MED13: variants seen among roughly 807,000 people sequenced by gnomAD.
MED13 encodes mediator complex subunit 13, also known as mediator of RNA polymerase II transcription subunit 13.
Under a neutral mutation model 225.2 loss-of-function variants are expected in MED13, and 23 were observed. That is an observed-to-expected ratio of 0.10 (90% CI 0.07 to 0.14). The LOEUF (loss-of-function observed/expected upper bound fraction) is 0.14. MED13 is among the 10% of genes least tolerant of loss of function. MED13 has a pLI of 1.00. For missense variants in MED13, 2,197 were observed against 2,594.5 expected, an observed-to-expected ratio of 0.85 and a Z score of 3.33; for synonymous variants, 942 against 889.2, an observed-to-expected ratio of 1.06 and a Z score of -1.06.
At position 61,982,597 on chromosome 17, in the gene MED13, T is replaced by A; in HGVS notation, c.3406A>T (p.Asn1136Tyr). 1 of 1,614,210 alleles carries A rather than the reference T, an allele frequency of 6.2e-7. No homozygotes were observed. Among genetic ancestry groups the A allele is most frequent in the East Asian group, 2.2e-5 (1 of 44,892 alleles). The part of the protein sequence containing the change: ...FSAVMNRKFG[N>Y]NSGLFLEDEL... Reference sequence around the variant, plus strand: ...TCTTCAAGAAATAATCCTGAATTGTTTCCAAATTTTCTGTTCATGACAGCA... The same window carrying A: ...TCTTCAAGAAATAATCCTGAATTGTATCCAAATTTTCTGTTCATGACAGCA... The change falls in exon 16 of 30, where the codon AAC becomes TAC. Residue 1136 changes from asparagine to tyrosine, a missense_variant. Transcript: ENST00000397786.
Position 62,035,620 on chromosome 17 carries a change from GAA to G in MED13, c.471-14_471-13del. 2 of 1,596,860 alleles carry G rather than the reference GAA, an allele frequency of 1.3e-6. No homozygotes were observed. The highest frequency in any genetic ancestry group is 8.5e-7 in the Non-Finnish European group (1 of 1,174,766). On this transcript the variant is annotated splice_polypyrimidine_tract_variant and intron_variant, in intron 3 of 29. Transcript: ENST00000397786. ...AGGACAAGTGTTCACTAAAAAAGAA[GAA>G]AAAGTTTTATCTTAGTGATGACTAG...
chr17:61,968,118 C>T lies in MED13; in HGVS notation c.4108G>A (p.Ala1370Thr), dbSNP rs34805963. The T allele has an allele frequency of 1.7e-4, 278 of 1,613,912 alleles. No individual in the cohort carries two copies. Among genetic ancestry groups the T allele is most frequent in the Non-Finnish European group, 2.2e-4 (256 of 1,179,990 alleles). The change falls in exon 18 of 30, where the codon GCC (alanine) becomes ACC (threonine). Residue 1370 changes from alanine to threonine, a missense_variant. By Grantham distance (58) the Ala-to-Thr change is moderately conservative. Coordinates refer to ENST00000397786, the MANE Select transcript of MED13 (RefSeq NM_005121.3). ...TTTTCTGGACACAGTACAACATAGG[C>T]TATATCTCTTTGAGATCCATAGGGT... is the stretch of plus-strand genomic sequence containing the variant. ...LEPYGSQRDI[A>T]YVVLCPENEA... is the part of the protein sequence containing the mutation.
At position 61,944,079 on chromosome 17, in the gene MED13, A is replaced by T. The variant is rs1039877997; in HGVS notation, c.*2389T>A. ...CCATTGAGTTTGAATGGATATATGA[A>T]GGGAAGAAAAAAAATCTTATCAATA... On this transcript the variant is annotated 3_prime_UTR_variant, in exon 30 of 30. Coordinates refer to ENST00000397786, the MANE Select transcript of MED13 (RefSeq NM_005121.3). 1 of 152,580 alleles carries T rather than the reference A, an allele frequency of 6.6e-6. No individual in the cohort carries two copies. Among genetic ancestry groups the T allele is most frequent in the African/African-American group, 2.4e-5 (1 of 41,444 alleles). The allele number at this position is 152,580 out of a possible 1,614,324, so 9.5% of individuals were successfully genotyped here.
At chr17:62,056,211 T>C (rs2080995266) in intron 2 of MED13, among the ~76,000 whole-genome samples, 1 of 152,226 alleles carries the variant, frequency 6.6e-6, no homozygotes, top group African/African-American at 2.4e-5. Flanking sequence ...AAGTTTCTAA[T>C]ATCCTGACAA....
In MED13 at chr17:62,028,553, T is replaced by TA. The variant is rs201500403; in HGVS notation, c.1283+987dup. ...TAACCCTGAACCAAAAATAAAAGCT[T>TA]AAAAAAAAAGAAATGAAATTACTCT... On this transcript the variant is annotated intron_variant, in intron 8 of 29. Coordinates refer to ENST00000397786, the MANE Select transcript of MED13 (RefSeq NM_005121.3). 5.0e-3 allele frequency among the ~76,000 whole-genome samples: 748 copies of TA among 149,714 alleles called. 6 individuals are homozygous for TA. The highest frequency in any genetic ancestry group is 0.017 in the African/African-American group (702 of 40,700).
At chr17:61,947,195 T>G (rs973081279) in intron 28 of MED13, among the ~76,000 whole-genome samples, 178 bp from the exon 29 acceptor site, 7 of 135,602 alleles carry the variant, frequency 5.2e-5, no homozygotes, top group Non-Finnish European at 1.1e-4. Context: ...TATAGAAATG[T>G]TTTTTTTTTT....
In MED13 at chr17:61,965,401, T is replaced by G. The variant is rs2080048229; in HGVS notation, c.4449A>C (p.Thr1483=). The change falls in exon 20 of 30, where the codon ACA becomes ACC. Residue 1483 remains threonine (T), a synonymous_variant. Coordinates refer to ENST00000397786, the MANE Select transcript of MED13 (RefSeq NM_005121.3). ...GAGGTGGAGTAATCAAAGACTGACT[T>G]GTAGGGGCAACTAAATTTGGCTGGG... The part of the protein sequence containing the change: ...LLSQPNLVAP[T]SQSLITPPQM... The G allele has an allele frequency of 1.2e-6, 2 of 1,614,028 alleles. No individual in the cohort carries two copies. Among genetic ancestry groups the G allele is most frequent in the Admixed American group, 1.7e-5 (1 of 60,008 alleles).
In MED13 at chr17:62,019,375, T is replaced by A. The variant is rs561137433; in HGVS notation, c.1284-8142A>T. On this transcript the variant is annotated intron_variant, in intron 8 of 29. Coordinates refer to ENST00000397786, the MANE Select transcript of MED13 (RefSeq NM_005121.3). ...TTTTAATAAGTGGTGCTTTAAAATTTCTCTAAAATATAAATAGATGTAATA... is the reference window on the plus strand; with the variant it reads ...TTTTAATAAGTGGTGCTTTAAAATTACTCTAAAATATAAATAGATGTAATA... Among the ~76,000 whole-genome samples, 7 of 151,078 alleles carry A rather than the reference T, an allele frequency of 4.6e-5. No homozygotes were observed. In the South Asian group the frequency reaches 1.6e-3, roughly 34 times the overall value.
intron 9 of MED13, chr17:62,010,334 T>C: frequency 2.6e-6 from 1 of 386,760 alleles, no homozygotes; most frequent in Non-Finnish European, 4.5e-6. Flanking sequence ...GTACAAGTGT[T>C]TACACATTAT....
chr17:62,045,537 A>G (rs1323772427), intron 3 of MED13, among the ~76,000 whole-genome samples: 1 of 152,156 alleles, frequency 6.6e-6, no homozygotes, highest in Non-Finnish European at 1.5e-5. Flanking sequence ...AAAAAAAAAA[A>G]AAGTTCTTAT....
intron 11 of MED13, among the ~76,000 whole-genome samples, chr17:61,992,260 G>A (rs1479455039): frequency 1.3e-5 from 2 of 152,032 alleles, no homozygotes; most frequent in Admixed American, 6.6e-5. Flanking sequence ...CAGTAGAAGG[G>A]GGTGAGAAAT....
intron 8 of MED13, among the ~76,000 whole-genome samples, chr17:62,022,497 A>AAAAAT: frequency 6.6e-6 from 1 of 152,200 alleles, no homozygotes; most frequent in Admixed American, 6.5e-5. Flanking sequence ...TTTAAAAAAG[A>AAAAAT]GAGTTATCAC....
Position 62,011,123 on chromosome 17 carries a change from C to T in MED13, c.1394G>A (p.Ser465Asn), listed in dbSNP as rs772471360. The T allele has an allele frequency of 6.2e-7, 1 of 1,614,222 alleles. No individual in the cohort carries two copies. The highest frequency in any genetic ancestry group is 1.1e-5 in the South Asian group (1 of 91,088). ...KHKTNEKQEK[S>N]EKPQKRPLTP... ...CAAGGGGCGTTTCTGTGGCTTTTCA[C>T]TCTTTTCTTGCTTCTCATTGGTCTT... Residue 465 changes from serine (S) to asparagine (N), a missense_variant, in exon 9 of 30, where the codon AGT becomes AAT. Around this residue, in one of 12 missense-constraint regions of MED13, gnomAD observed 884 missense variants for 918.5 expected, o/e 0.96. Coordinates refer to ENST00000397786, the MANE Select transcript of MED13 (RefSeq NM_005121.3).
chr17:61,968,727 T>A (rs557028276), intron 17 of MED13, among the ~76,000 whole-genome samples: 1 of 152,182 alleles, frequency 6.6e-6, no homozygotes, highest in Non-Finnish European at 1.5e-5. Context: ...TTTTCAACAT[T>A]AAGGAATTTC....
chr17:61,966,670 A>C lies in MED13; in HGVS notation c.4192-19T>G. On this transcript the variant is annotated intron_variant, in intron 18 of 29. Coordinates refer to ENST00000397786, the MANE Select transcript of MED13 (RefSeq NM_005121.3). Reference sequence around the variant, plus strand: ...GACAGGACTACAAATATACATACAGAAAGCAGAATTAGTAAATTTATTATT... The same window carrying C: ...GACAGGACTACAAATATACATACAGCAAGCAGAATTAGTAAATTTATTATT... 1 of 1,506,082 alleles carries C rather than the reference A, an allele frequency of 6.6e-7. No homozygotes were observed. The highest frequency in any genetic ancestry group is 8.9e-7 in the Non-Finnish European group (1 of 1,120,502). 93.3% of individuals were successfully genotyped at this position (1,506,082 alleles called of 1,614,324 possible).
chr17:62,051,333 G>A (rs1247368596), intron 3 of MED13, among the ~76,000 whole-genome samples: 1 of 152,176 alleles, frequency 6.6e-6, no homozygotes, highest in Non-Finnish European at 1.5e-5. Context: ...CCATGAAGAT[G>A]TAAAAATGGC....
intron 4 of MED13, among the ~76,000 whole-genome samples, chr17:62,034,552 T>A (rs534445416): frequency 6.6e-6 from 1 of 152,004 alleles, no homozygotes; most frequent in East Asian, 1.9e-4. Flanking sequence ...CTGGGAATAT[T>A]TGTGTATCCT....
chr17:61,975,122 A>G (rs1415192660), intron 16 of MED13, among the ~76,000 whole-genome samples: 2 of 151,662 alleles, frequency 1.3e-5, no homozygotes, highest in African/African-American at 4.8e-5. Flanking sequence ...TGGGCAAAGT[A>G]GCAAGACCCC....
chr17:61,995,091 T>C, intron 10 of MED13, 61 bp downstream of exon 10: 1 of 1,066,342 alleles, frequency 9.4e-7, no homozygotes, highest in Non-Finnish European at 1.4e-6. Flanking sequence ...AGTAAGAGTG[T>C]TACTATATGC....
Sources: gnomAD v4.1 joint callset for allele counts (sites outside exome capture counted in the v4.1 genomes callset) on GRCh38, gnomAD v4.1.1 for gene constraint, gnomAD v4.1.1 regional missense constraint, MANE v1.5 for transcripts, NCBI Gene and HGNC (gene_info 2026-07-23, HGNC 2026-07-21) for gene names.